IQCK: variants seen among roughly 807,000 people sequenced by gnomAD.
IQCK encodes IQ motif containing K.
Under a neutral mutation model 28.1 loss-of-function variants are expected in IQCK, and 29 were observed. The observed-to-expected ratio is 1.03, with a 90% CI of 0.77 to 1.41. IQCK has a LOEUF of 1.41. IQCK is among the 40% of genes most tolerant of loss of function. The pLI, the probability that IQCK is intolerant of heterozygous loss-of-function variation, is 0.00. For synonymous variants in IQCK, 113 were observed against 115.1 expected, an observed-to-expected ratio of 0.98 and a Z score of 0.12; for missense variants, 359 against 314.7, an observed-to-expected ratio of 1.14 and a Z score of -1.07.
At chr16:19,747,281 A>T (rs904490054) in intron 4 of IQCK, among the ~76,000 whole-genome samples, 15 of 152,074 alleles carry the variant, frequency 9.9e-5, no homozygotes, top group African/African-American at 3.1e-4. Context: ...CTCAGCTGGG[A>T]TGAGCTGTTC....
At chr16:19,834,127 T>G (rs1263111383) in intron 9 of IQCK, among the ~76,000 whole-genome samples, 1 of 152,152 alleles carries the variant, frequency 6.6e-6, no homozygotes, top group African/African-American at 2.4e-5. Flanking sequence ...ACTTAGTTCT[T>G]TCCTTCCTAG....
At chr16:19,776,282 A>T (rs182200494) in intron 6 of IQCK, among the ~76,000 whole-genome samples, 263 of 152,256 alleles carry the variant, frequency 1.7e-3, no homozygotes, top group African/African-American at 6.1e-3. Context: ...AACATAAGCA[A>T]CCTGGCTGCA....
chr16:19,744,010 G>T (rs888510266), intron 4 of IQCK, among the ~76,000 whole-genome samples: 8 of 152,134 alleles, frequency 5.3e-5, no homozygotes, highest in African/African-American at 1.7e-4. Context: ...AGGTGTAGGT[G>T]TGTCTGCACA....
At chr16:19,730,244 C>T (rs745501220) in intron 1 of IQCK, among the ~76,000 whole-genome samples, 186 bp from the exon 2 acceptor site, 18 of 152,222 alleles carry the variant, frequency 1.2e-4, no homozygotes, top group Admixed American at 2.0e-4. Flanking sequence ...GTGTGAGCCA[C>T]CGCACCCGGC....
exon 6 of IQCK, chr16:19,764,082 T>C: frequency 6.2e-7 from 1 of 1,613,866 alleles, no homozygotes; most frequent in South Asian, 1.1e-5. Flanking sequence ...TTTTTCTCCA[T>C]TCCATTTGTG....
chr16:19,743,498 A>G (rs746507496), intron 4 of IQCK, among the ~76,000 whole-genome samples: 3 of 152,244 alleles, frequency 2.0e-5, no homozygotes, highest in Non-Finnish European at 4.4e-5. Flanking sequence ...AGTTGTCAGC[A>G]CTTTTTGAGC....
Position 19,733,839 on chromosome 16 carries a change from A to T in IQCK, c.376+12A>T. 6.2e-7 allele frequency: 1 copy of T among 1,613,222 alleles called. No individual in the cohort carries two copies. The highest frequency in any genetic ancestry group is 8.5e-7 in the Non-Finnish European group (1 of 1,179,602). On this transcript the variant is annotated intron_variant, in intron 3 of 7. Coordinates refer to ENST00000564186, the Ensembl canonical transcript of IQCK. The stretch of plus-strand genomic sequence containing the variant: ...CAACCCAAAAACATGTGAGTAAGAG[A>T]GATGCCATCTTTTATAATTTGGGGC...
At chr16:19,758,432 G>A (rs748050557) in intron 4 of IQCK, among the ~76,000 whole-genome samples, 3 of 152,154 alleles carry the variant, frequency 2.0e-5, no homozygotes, top group Non-Finnish European at 4.4e-5. Flanking sequence ...AGACCATTTG[G>A]CTATTTTTAA....
chr16:19,740,996 G>A (rs1438114103), intron 4 of IQCK, among the ~76,000 whole-genome samples: 1 of 150,680 alleles, frequency 6.6e-6, no homozygotes, highest in Non-Finnish European at 1.5e-5. Context: ...ATATCTACAA[G>A]CAGGATGAAG....
chr16:19,759,196 A>G (rs188477489), intron 4 of IQCK, among the ~76,000 whole-genome samples: 6 of 152,080 alleles, frequency 3.9e-5, no homozygotes, highest in Admixed American at 3.9e-4. Flanking sequence ...AGTGCAGTCA[A>G]TTTTTTAAAA....
At position 19,846,736 on chromosome 16, in the gene IQCK, G is replaced by A. The variant is rs1052454689; in HGVS notation, c.803-9751G>A. On this transcript the variant is annotated intron_variant, in intron 9 of 9. Transcript: ENST00000320394. ...AATTTACCAGGCTACTGACATTTACGCCCTGAATGTCAACATGTATTTCTT... is the reference window on the plus strand; with the variant it reads ...AATTTACCAGGCTACTGACATTTACACCCTGAATGTCAACATGTATTTCTT... Among the ~76,000 whole-genome samples the A allele has an allele frequency of 3.3e-5, 5 of 152,136 alleles. No homozygotes were observed. In the East Asian group the frequency reaches 5.8e-4, roughly 18 times the overall value.
At position 19,753,262 on chromosome 16, in the gene IQCK, A is replaced by T. The variant is rs201785370; in HGVS notation, c.475-10586A>T. Among the ~76,000 whole-genome samples, 281 of 150,536 alleles carry T rather than the reference A, an allele frequency of 1.9e-3. 1 individual carries two copies. Among genetic ancestry groups the T allele is most frequent in the African/African-American group, 3.0e-3 (124 of 40,658 alleles). ...CCTATCTCTACAAAAAAAAAAAAAA[A>T]TTTTTGAAAATTACCTGAGCATTAC... On this transcript the variant is annotated intron_variant, in intron 4 of 7. Coordinates refer to ENST00000564186, the Ensembl canonical transcript of IQCK.
At chr16:19,819,830 G>A (rs1004482834) in intron 7 of IQCK, among the ~76,000 whole-genome samples, 3 of 151,842 alleles carry the variant, frequency 2.0e-5, no homozygotes, top group Non-Finnish European at 4.4e-5. Context: ...TTGCTAATAC[G>A]GTGAAACTCT....
intron 3 of IQCK, chr16:19,734,038 A>C (rs548413417): frequency 1.0e-5 from 5 of 493,430 alleles, no homozygotes; most frequent in Non-Finnish European, 1.8e-5. Flanking sequence ...AACAAAAAGC[A>C]TACTTTGATT....
chr16:19,726,105 G>A (rs546080303), intron 1 of IQCK, among the ~76,000 whole-genome samples: 3 of 151,956 alleles, frequency 2.0e-5, no homozygotes, highest in East Asian at 3.9e-4. Context: ...TAGTAGAGAC[G>A]GGGTTTCATC....
intron 4 of IQCK, among the ~76,000 whole-genome samples, chr16:19,760,410 C>T (rs982969684): frequency 3.3e-5 from 5 of 152,148 alleles, no homozygotes; most frequent in African/African-American, 4.8e-5. Flanking sequence ...TGTTTGTCTA[C>T]CCAACAGCAT....
At chr16:19,826,309 T>C (rs776252003) in intron 7 of IQCK, among the ~76,000 whole-genome samples, 9 of 152,118 alleles carry the variant, frequency 5.9e-5, no homozygotes, top group Non-Finnish European at 8.8e-5. Flanking sequence ...ATGCCCAGCA[T>C]AATTTTTTTT....
chr16:19,722,712 T>G (rs953897582), intron 1 of IQCK, among the ~76,000 whole-genome samples: 1 of 129,258 alleles, frequency 7.7e-6, no homozygotes, highest in Admixed American at 7.7e-5. Flanking sequence ...CCAGTCCAGC[T>G]TTTTTTTTTT....
chr16:19,835,234 G>A (rs1283389324), intron 9 of IQCK, among the ~76,000 whole-genome samples: 2 of 151,004 alleles, frequency 1.3e-5, no homozygotes, highest in Admixed American at 6.6e-5. Flanking sequence ...AGTGAGCCGA[G>A]ATCACACTAC....
Sources: allele counts gnomAD v4.1 joint callset (sites outside exome capture counted in the v4.1 genomes callset), GRCh38; gene constraint gnomAD v4.1.1; transcripts MANE v1.5; gene names NCBI Gene and HGNC (gene_info 2026-07-23, HGNC 2026-07-21).